WDR17: variants seen among roughly 807,000 people sequenced by gnomAD.
WDR17 encodes the protein WD repeat-containing protein 17.
WDR17 carries 143 observed loss-of-function variants against 161.7 expected under a neutral mutation model. The observed-to-expected ratio is 0.88, with a 90% CI of 0.77 to 1.02. The LOEUF is 1.02. WDR17 is among the 50% of genes least tolerant of loss of function. The pLI, the probability that WDR17 is intolerant of heterozygous loss-of-function variation, is 0.00. For missense variants in WDR17, 1,469 were observed against 1,520.9 expected (o/e 0.97, Z 0.57); for synonymous variants, 517 against 515.6 (o/e 1.00, Z -0.04).
At chr4:176,161,767 A>G (rs1448394395) in intron 20 of WDR17, among the ~76,000 whole-genome samples, 1 of 152,182 alleles carries the variant, frequency 6.6e-6, no homozygotes, top group Non-Finnish European at 1.5e-5. Context: ...TTTCAATTTG[A>G]CCTGTAATTC....
chr4:176,173,221 T>G, intron 24 of WDR17, 46 bp from the exon 25 acceptor site: 11 of 1,301,262 alleles, frequency 8.5e-6, no homozygotes, highest in African/African-American at 1.5e-5. Context: ...GAATAAATTT[T>G]GAGACTGTTA....
rs1381671046 is a variant in WDR17 at position 176,133,165 on chromosome 4, A to G, written c.1098+1427A>G. ...CCATATATACCATTCGAAGAAAAAA[A>G]AAACAATTTTTTATTTTTATTTTTT... On this transcript the variant is annotated intron_variant, in intron 7 of 28. Coordinates refer to ENST00000508596, the MANE Select transcript of WDR17 (RefSeq NM_181265.4). Among the ~76,000 whole-genome samples the G allele has an allele frequency of 7.5e-5, 11 of 145,742 alleles. No individual in the cohort carries two copies. In the East Asian group the frequency reaches 2.1e-3, roughly 28 times the overall value.
intron 1 of WDR17, among the ~76,000 whole-genome samples, chr4:176,071,399 T>G (rs549659615): frequency 1.4e-3 from 206 of 151,476 alleles, no homozygotes; most frequent in Non-Finnish European, 2.5e-3. Context: ...CTAGGCTCAC[T>G]GCAACCTCCA....
chr4:176,094,687 A>AG (rs1736589793), intron 1 of WDR17, among the ~76,000 whole-genome samples: 3 of 152,346 alleles, frequency 2.0e-5, no homozygotes, highest in African/African-American at 7.2e-5. Flanking sequence ...TAGTGGCATT[A>AG]GTAATGAAGA....
chr4:176,088,740 C>T (rs1438061664), intron 1 of WDR17, among the ~76,000 whole-genome samples: 2 of 152,136 alleles, frequency 1.3e-5, no homozygotes, highest in Non-Finnish European at 2.9e-5. Context: ...AAACACATTT[C>T]CTTGATCTAA....
At chr4:176,122,452 A>T (rs907308148) in intron 4 of WDR17, among the ~76,000 whole-genome samples, 1 of 152,178 alleles carries the variant, frequency 6.6e-6, no homozygotes, top group African/African-American at 2.4e-5. Flanking sequence ...ATTCTGTAGG[A>T]TTTATTTAGC....
chr4:176,068,561 C>G (rs1732813587), intron 1 of WDR17, among the ~76,000 whole-genome samples: 1 of 152,018 alleles, frequency 6.6e-6, no homozygotes, highest in Non-Finnish European at 1.5e-5. Context: ...AAGATTGCGC[C>G]ACTGCATGCC....
chr4:176,090,862 CAAAGGGATGGGCTGAAAT>C (rs1296831632), intron 1 of WDR17, among the ~76,000 whole-genome samples: 73 of 152,278 alleles, frequency 4.8e-4, no homozygotes, highest in African/African-American at 1.6e-3. Flanking sequence ...TTACAGGAAA[CAAAGGGATGGGCTGAAAT>C]AAAGGGATGG....
chr4:176,163,130 G>T, intron 21 of WDR17, 24 bp from the exon 22 acceptor site: 1 of 1,613,938 alleles, frequency 6.2e-7, no homozygotes, highest in Non-Finnish European at 8.5e-7. Context: ...TGCAACTGAA[G>T]AAATTATTTT....
chr4:176,139,063 T>C lies in WDR17; in HGVS notation c.1360-829T>C, dbSNP rs532005385. 1.5e-3 allele frequency among the ~76,000 whole-genome samples: 235 copies of C among 151,954 alleles called. 1 individual carries two copies. Among genetic ancestry groups the C allele is most frequent in the Non-Finnish European group, 1.1e-3 (74 of 67,772 alleles). The stretch of plus-strand genomic sequence containing the variant: ...TCTGCCTGCATAAACCTACCCTCTT[T>C]GATCCCCAAAGAGGTAAAACAGCAA... On this transcript the variant is annotated intron_variant, in intron 9 of 28. Transcript: ENST00000508596.
At position 176,168,662 on chromosome 4, in the gene WDR17, A is replaced by T; in HGVS notation, c.2991-10A>T. Reference sequence around the variant, plus strand: ...CCTCAATGAAGTGTCCCCTTTTGTTACGTTAACAGGAATTTGGCAGCTGAT... The same window carrying T: ...CCTCAATGAAGTGTCCCCTTTTGTTTCGTTAACAGGAATTTGGCAGCTGAT... On this transcript the variant is annotated splice_polypyrimidine_tract_variant and intron_variant, in intron 22 of 28. Coordinates refer to ENST00000508596, the MANE Select transcript of WDR17 (RefSeq NM_181265.4). 6.2e-7 allele frequency: 1 copy of T among 1,613,330 alleles called. No homozygotes were observed. Among genetic ancestry groups the T allele is most frequent in the Non-Finnish European group, 8.5e-7 (1 of 1,179,692 alleles).
intron 4 of WDR17, among the ~76,000 whole-genome samples, chr4:176,121,954 ATG>A (rs1170675702): frequency 1.3e-5 from 2 of 152,178 alleles, no homozygotes; most frequent in African/African-American, 4.8e-5. Flanking sequence ...CCAAGTCAGC[ATG>A]TGTTATTTTT....
At chr4:176,083,973 A>G (rs139171870) in intron 1 of WDR17, among the ~76,000 whole-genome samples, 1 of 151,108 alleles carries the variant, frequency 6.6e-6, no homozygotes, top group Non-Finnish European at 1.5e-5. Context: ...ATCTGAATTT[A>G]TCTTCCCTTT....
intron 1 of WDR17, among the ~76,000 whole-genome samples, chr4:176,106,398 ATGG>A (rs1738723440): frequency 6.6e-6 from 1 of 152,168 alleles, no homozygotes; most frequent in Non-Finnish European, 1.5e-5. Context: ...GTCTTAACAT[ATGG>A]TGCTGGGAAA....
chr4:176,150,346 C>T, intron 15 of WDR17, 122 bp from the exon 16 acceptor site: 1 of 1,445,800 alleles, frequency 6.9e-7, no homozygotes, highest in Non-Finnish European at 9.2e-7. Context: ...CATGAGATAA[C>T]ATGTAGTTAT....
At chr4:176,152,595 C>CAAAA (rs34451055) in intron 17 of WDR17, among the ~76,000 whole-genome samples, 388 of 37,262 alleles carry the variant, frequency 0.01, 5 homozygotes, top group Non-Finnish European at 0.015. Context: ...AACTCCATCT[C>CAAAA]AAAAAAAAAA....
chr4:176,173,161 G>T (rs1441957534), intron 24 of WDR17, 106 bp from the exon 25 acceptor site: 3 of 641,900 alleles, frequency 4.7e-6, no homozygotes, highest in Non-Finnish European at 7.7e-6. Context: ...AAATAAAGAG[G>T]TAAGTAGGAC....
intron 26 of WDR17, among the ~76,000 whole-genome samples, chr4:176,176,718 T>A (rs1751500317): frequency 6.6e-6 from 1 of 152,192 alleles, no homozygotes. Flanking sequence ...ATGATCAGGG[T>A]CATGGTTAAG....
At chr4:176,107,132 T>A (rs1011013741) in intron 1 of WDR17, among the ~76,000 whole-genome samples, 1 of 152,064 alleles carries the variant, frequency 6.6e-6, no homozygotes, top group Admixed American at 6.6e-5. Flanking sequence ...GACAAGATAC[T>A]TTAATAGATG....
Sources: gnomAD v4.1 joint callset for allele counts (sites outside exome capture counted in the v4.1 genomes callset) on GRCh38, gnomAD v4.1.1 for gene constraint, MANE v1.5 for transcripts, NCBI Gene and HGNC (gene_info 2026-07-23, HGNC 2026-07-21) for gene names.